The following ELP4 variants were observed in gnomAD, a reference collection of about 807,000 sequenced individuals.
The protein encoded by ELP4 is elongator acetyltransferase complex subunit 4, also known as elongator complex protein 4.
A neutral mutation model predicts 48.9 loss-of-function variants in ELP4; 51 were observed. The observed-to-expected ratio is 1.04, with a 90% CI of 0.83 to 1.32. The LOEUF is 1.32. Among genes scored for constraint, ELP4 ranks in the 40% most tolerant of loss-of-function variants. The pLI is 0.00. For missense variants in ELP4, 519 were observed against 514.6 expected, an observed-to-expected ratio of 1.01 and a Z score of -0.08; for synonymous variants, 210 against 189.2, an observed-to-expected ratio of 1.11 and a Z score of -0.90.
chr11:31,605,847 A>G (rs1183375157), intron 5 of ELP4, among the ~76,000 whole-genome samples: 1 of 152,152 alleles, frequency 6.6e-6, no homozygotes, highest in Non-Finnish European at 1.5e-5. Context: ...AAGCAATTTC[A>G]GGTTAGAGTT....
At chr11:31,738,215 C>CA (rs1466293290) in intron 9 of ELP4, among the ~76,000 whole-genome samples, 4 of 95,822 alleles carry the variant, frequency 4.2e-5, no homozygotes, top group Non-Finnish European at 7.9e-5. Context: ...GGCAACATGG[C>CA]AAAACCCCAT....
At chr11:31,622,062 G>A (rs763345511) in intron 5 of ELP4, among the ~76,000 whole-genome samples, 1 of 151,776 alleles carries the variant, frequency 6.6e-6, no homozygotes. Flanking sequence ...TGTGGTGACT[G>A]TGATACAAAA....
At chr11:31,714,566 A>T (rs780385837) in intron 9 of ELP4, 1 of 397,938 alleles carries the variant, frequency 2.5e-6, no homozygotes, top group Non-Finnish European at 4.4e-6. Context: ...TATTGCTGCT[A>T]TGAAAAATTG....
rs1410145496 is a variant in ELP4, at chr11:31,784,670, C to T, written c.*1146C>T. 1 of 156,560 alleles carries T rather than the reference C, an allele frequency of 6.4e-6. No individual in the cohort carries two copies. Among genetic ancestry groups the T allele is most frequent in the Non-Finnish European group, 1.4e-5 (1 of 70,756 alleles). 9.7% of individuals were successfully genotyped at this position (156,560 alleles called of 1,614,324 possible). ...TTTAAGCAGCTTGCTTTTAATATAC[C>T]ACAAATTATACTTTATTTGTTCTTG... On this transcript the variant is annotated 3_prime_UTR_variant, in exon 10 of 10. Transcript: ENST00000640961.
At chr11:31,608,962 A>G (rs1251809506) in intron 5 of ELP4, among the ~76,000 whole-genome samples, 1 of 152,130 alleles carries the variant, frequency 6.6e-6, no homozygotes, top group African/African-American at 2.4e-5. Context: ...GTCAGTCTTC[A>G]GCAGCAGGGC....
At chr11:31,510,069 G>T in intron 1 of ELP4, 62 bp downstream of exon 1, 1 of 1,506,296 alleles carries the variant, frequency 6.6e-7, no homozygotes. Flanking sequence ...GACCTGTCGG[G>T]GAAGCCACTT....
At chr11:31,583,035 A>C (rs549077493) in intron 3 of ELP4, among the ~76,000 whole-genome samples, 1 of 152,210 alleles carries the variant, frequency 6.6e-6, no homozygotes, top group East Asian at 1.9e-4. Flanking sequence ...GTCTTGTTTG[A>C]ACTTTCCATT....
At chr11:31,770,282 G>T (rs1948111636) in intron 9 of ELP4, among the ~76,000 whole-genome samples, 1 of 152,174 alleles carries the variant, frequency 6.6e-6, no homozygotes, top group African/African-American at 2.4e-5. Flanking sequence ...AAGATGAGTA[G>T]AAGGGAGTCA....
chr11:31,619,062 T>G (rs1250835438), intron 5 of ELP4, among the ~76,000 whole-genome samples: 1 of 151,894 alleles, frequency 6.6e-6, no homozygotes, highest in African/African-American at 2.4e-5. Context: ...TTTTAGAAAA[T>G]TTAAGGGGTT....
intron 9 of ELP4, among the ~76,000 whole-genome samples, chr11:31,725,102 G>A (rs1297312605): frequency 6.6e-6 from 1 of 152,182 alleles, no homozygotes; most frequent in Non-Finnish European, 1.5e-5. Flanking sequence ...CCTCTCAAGA[G>A]TCTGCTGTTC....
Position 31,790,292 on chromosome 11 carries a change from T to G in ELP4, c.*6768T>G. The G allele has an allele frequency of 1.7e-6, 1 of 601,910 alleles. No individual in the cohort carries two copies. The highest frequency in any genetic ancestry group is 4.1e-5 in the East Asian group (1 of 24,464). 37.3% of individuals were successfully genotyped at this position (601,910 alleles called of 1,614,324 possible). A position where few individuals can be genotyped will look rare whatever the true frequency, so the allele number is the denominator to read the frequency against. On this transcript the variant is annotated 3_prime_UTR_variant, in exon 10 of 10. Coordinates refer to ENST00000640961, the MANE Select transcript of ELP4 (RefSeq NM_019040.5). ...AAAATCCTCTGTTTGTTTGCATGTT[T>G]GGAACTTTTACAATAAAGCTGTCTC... is the stretch of plus-strand genomic sequence containing the variant.
chr11:31,631,854 A>G (rs896048227), intron 6 of ELP4, among the ~76,000 whole-genome samples: 1 of 152,132 alleles, frequency 6.6e-6, no homozygotes, highest in African/African-American at 2.4e-5. Context: ...GAATTTTCTA[A>G]TACTGAGAAG....
rs566335324 is a variant in ELP4 at position 31,533,140 on chromosome 11, A to G, written c.260-6522A>G. Among the ~76,000 whole-genome samples, 8 of 151,786 alleles carry G rather than the reference A, an allele frequency of 5.3e-5. No homozygotes were observed. The East Asian group carries it at 1.6e-3, about 29-fold the overall frequency. ...TGAAGTCTGGCTTCTTCATGTTATC[A>G]CCCAAATGGTGAGCATTGTACCCAA... On this transcript the variant is annotated intron_variant, in intron 2 of 9. Coordinates refer to ENST00000640961, the MANE Select transcript of ELP4 (RefSeq NM_019040.5).
At chr11:31,546,434 ACTAT>A (rs1484415349) in intron 3 of ELP4, among the ~76,000 whole-genome samples, 1 of 152,194 alleles carries the variant, frequency 6.6e-6, no homozygotes, top group Non-Finnish European at 1.5e-5. Context: ...AGAAGAGCTA[ACTAT>A]CCTAAATATA....
At chr11:31,550,058 C>T (rs1339355460) in intron 3 of ELP4, among the ~76,000 whole-genome samples, 1 of 151,796 alleles carries the variant, frequency 6.6e-6, no homozygotes, top group Non-Finnish European at 1.5e-5. Flanking sequence ...GTGGGTGCAG[C>T]GCACCAGCAT....
intron 3 of ELP4, among the ~76,000 whole-genome samples, chr11:31,559,728 A>G (rs954155518): frequency 6.6e-6 from 1 of 152,030 alleles, no homozygotes; most frequent in Non-Finnish European, 1.5e-5. Flanking sequence ...ACATGGAGAA[A>G]CCTCATCTCT....
chr11:31,622,560 AT>A (rs1254493601), intron 5 of ELP4, among the ~76,000 whole-genome samples: 1 of 151,330 alleles, frequency 6.6e-6, no homozygotes, highest in East Asian at 1.9e-4. Flanking sequence ...TTTACAGCTA[AT>A]TTTTTTATCT....
chr11:31,531,197 T>C (rs938382991), intron 2 of ELP4, among the ~76,000 whole-genome samples: 1 of 152,230 alleles, frequency 6.6e-6, no homozygotes, highest in African/African-American at 2.4e-5. Context: ...TATTATAGAA[T>C]ATATGTGTAT....
rs1242663477 is a variant in ELP4, at chr11:31,774,072, G to A, written c.1144-9321G>A. On this transcript the variant is annotated intron_variant, in intron 9 of 9. Coordinates refer to ENST00000640961, the MANE Select transcript of ELP4 (RefSeq NM_019040.5). The stretch of plus-strand genomic sequence containing the variant: ...CTTGTGCCTGTAGTCCCAGCTACTC[G>A]GAGGCTTTGGGAGGATTGCTTGAGC... Among the ~76,000 whole-genome samples, 4 of 152,176 alleles carry A rather than the reference G, an allele frequency of 2.6e-5. No homozygotes were observed. In the East Asian group the frequency reaches 5.8e-4, roughly 22 times the overall value.
Sources: gnomAD v4.1 joint callset for allele counts (sites outside exome capture counted in the v4.1 genomes callset) on GRCh38, gnomAD v4.1.1 for gene constraint, MANE v1.5 for transcripts, NCBI Gene and HGNC (gene_info 2026-07-23, HGNC 2026-07-21) for gene names.